TANGO6: variants seen among roughly 807,000 people sequenced by gnomAD.
TANGO6 encodes transport and golgi organization 6 homolog.
Under a neutral mutation model 114.2 loss-of-function variants are expected in TANGO6, and 90 were observed. The observed-to-expected ratio is 0.79, with a 90% CI of 0.66 to 0.94. The LOEUF is 0.94. Ranked by LOEUF, TANGO6 falls within the 40% of genes least tolerant of loss-of-function variation. The pLI, the probability that TANGO6 is intolerant of heterozygous loss-of-function variation, is 0.00. For synonymous variants in TANGO6, 477 were observed against 509.8 expected (o/e 0.94, Z 0.87); for missense variants, 1,274 against 1,315.3 (o/e 0.97, Z 0.49).
At chr16:68,880,446 A>G in intron 6 of TANGO6, 102 bp from the exon 7 acceptor site, 1 of 692,080 alleles carries the variant, frequency 1.4e-6, no homozygotes. Flanking sequence ...CTTAGGTGTT[A>G]CTTACTGAGC....
chr16:68,919,104 C>T lies in TANGO6; in HGVS notation c.2012C>T (p.Ala671Val), dbSNP rs750413834. Residue 671 changes from alanine to valine, a missense_variant, in exon 12 of 18, where the codon GCA (alanine) becomes GTA (valine). Around this residue, in one of 5 missense-constraint regions of TANGO6, gnomAD observed 908 missense variants for 910.2 expected, o/e 1.00. Coordinates refer to ENST00000261778, the MANE Select transcript of TANGO6 (RefSeq NM_024562.2). Reference protein sequence around the residue: ...NVTQVVDFVAATLQRACASLA... With the variant: ...NVTQVVDFVAVTLQRACASLA... ...GGGTAGGTGGTGGACTTTGTAGCAG[C>T]AACATTGCAGAGAGCCTGTGCAAGC... is the stretch of plus-strand genomic sequence containing the variant. 3.1e-6 allele frequency: 5 copies of T among 1,612,654 alleles called. No individual in the cohort carries two copies. The highest frequency in any genetic ancestry group is 4.2e-6 in the Non-Finnish European group (5 of 1,179,424).
At chr16:68,911,388 A>G (rs1053255686) in intron 11 of TANGO6, among the ~76,000 whole-genome samples, 44 of 151,964 alleles carry the variant, frequency 2.9e-4, no homozygotes, top group African/African-American at 1.0e-3. Flanking sequence ...AGTAGCAATA[A>G]GCATTCTTAG....
intron 15 of TANGO6, among the ~76,000 whole-genome samples, chr16:69,022,529 C>A (rs1959425314): frequency 6.6e-6 from 1 of 151,998 alleles, no homozygotes; most frequent in South Asian, 2.1e-4. Context: ...CATGGCAAAA[C>A]CCCATTTCCA....
chr16:69,012,958 G>T (rs987424709), intron 15 of TANGO6, among the ~76,000 whole-genome samples: 3 of 152,192 alleles, frequency 2.0e-5, no homozygotes, highest in Non-Finnish European at 4.4e-5. Flanking sequence ...TCCTGGATGG[G>T]ATAATAGTGG....
Position 68,982,433 on chromosome 16 carries a change from G to A in TANGO6, c.2842+8265G>A, listed in dbSNP as rs554374501. ...TCACTGCAACCTCCTGGGTTCAAGC[G>A]ATTCTCCTGCTTCAGTCTCCTGAGT... On this transcript the variant is annotated intron_variant, in intron 15 of 17. Transcript: ENST00000261778. Among the ~76,000 whole-genome samples the A allele has an allele frequency of 2.0e-5, 3 of 151,998 alleles. No individual in the cohort carries two copies. The East Asian group carries it at 5.8e-4, about 29-fold the overall frequency.
At chr16:69,061,055 T>G (rs1488466094) in intron 17 of TANGO6, among the ~76,000 whole-genome samples, 3 of 152,032 alleles carry the variant, frequency 2.0e-5, no homozygotes, top group African/African-American at 7.2e-5. Flanking sequence ...AAATCTAGTA[T>G]TCAGGTTTCC....
Position 69,065,042 on chromosome 16 carries a change from C to T in TANGO6, c.3109-18443C>T, listed in dbSNP as rs1459990793. ...GGACAACACTCCCAATCTCTTTTCT[C>T]GTAAGCAGTAGCCTGCTGCCTTTGC... On this transcript the variant is annotated intron_variant, in intron 17 of 17. Transcript: ENST00000261778. Among the ~76,000 whole-genome samples the T allele has an allele frequency of 6.6e-5, 10 of 152,242 alleles. No individual in the cohort carries two copies. The East Asian group carries it at 1.2e-3, about 18-fold the overall frequency.
At chr16:68,929,545 C>T (rs1048179187) in intron 13 of TANGO6, among the ~76,000 whole-genome samples, 9 of 152,246 alleles carry the variant, frequency 5.9e-5, no homozygotes, top group African/African-American at 2.2e-4. Context: ...ACTGTGCCAA[C>T]GAAGAACACA....
intron 17 of TANGO6, among the ~76,000 whole-genome samples, chr16:69,063,550 G>A (rs942244259): frequency 4.7e-5 from 7 of 149,540 alleles, no homozygotes; most frequent in Middle Eastern, 6.9e-3. Context: ...AGCCAGTGTG[G>A]TGGGGGGCAC....
At chr16:68,907,937 T>G (rs1206026813) in intron 10 of TANGO6, among the ~76,000 whole-genome samples, 1 of 152,204 alleles carries the variant, frequency 6.6e-6, no homozygotes, top group African/African-American at 2.4e-5. Context: ...CCCTTATCCT[T>G]TCTGACTGTT....
rs58310609 is a variant in TANGO6 at position 69,072,026 on chromosome 16, C to CGTGTGTGTGTGTGTGTGT, written c.3109-11434_3109-11417dup. On this transcript the variant is annotated intron_variant, in intron 17 of 17. Coordinates refer to ENST00000261778, the MANE Select transcript of TANGO6 (RefSeq NM_024562.2). ...AGGGAGGGTGAAGAGAGAGGGAGAC[C>CGTGTGTGTGTGTGTGTGT]GTGTGTGTGTGTGTGTGTGTGTGTG... is the stretch of plus-strand genomic sequence containing the variant. Among the ~76,000 whole-genome samples, 193 of 93,004 alleles carry CGTGTGTGTGTGTGTGTGT rather than the reference C, an allele frequency of 2.1e-3. 2 individuals carry two copies. Among genetic ancestry groups the CGTGTGTGTGTGTGTGTGT allele is most frequent in the Middle Eastern group, 4.8e-3 (1 of 210 alleles). The allele number at this position is 93,004 out of a possible 152,430, so 61.0% of individuals were successfully genotyped here. A position where few individuals can be genotyped will look rare whatever the true frequency, so the allele number is the denominator to read the frequency against.
chr16:68,879,157 A>T (rs781563044), intron 6 of TANGO6, among the ~76,000 whole-genome samples: 10 of 152,132 alleles, frequency 6.6e-5, no homozygotes, highest in East Asian at 5.8e-4. Context: ...ACTTTTTTTT[A>T]AATTTTTATT....
chr16:68,861,696 A>T (rs1181285558), intron 2 of TANGO6, among the ~76,000 whole-genome samples: 1 of 152,190 alleles, frequency 6.6e-6, no homozygotes, highest in African/African-American at 2.4e-5. Context: ...GAAGGAGTTG[A>T]CAGAGGGAAA....
chr16:68,849,641 CAG>C (rs1405355953), intron 1 of TANGO6, among the ~76,000 whole-genome samples: 1 of 150,912 alleles, frequency 6.6e-6, no homozygotes, highest in Non-Finnish European at 1.5e-5. Context: ...GCCTGGGTGA[CAG>C]AGTGAGACCC....
intron 4 of TANGO6, among the ~76,000 whole-genome samples, chr16:68,873,432 A>G (rs1417921676): frequency 1.3e-5 from 2 of 151,730 alleles, no homozygotes; most frequent in Non-Finnish European, 2.9e-5. Context: ...TCCTGCCTCA[A>G]CCTCCCAAGT....
chr16:68,927,459 C>T, intron 12 of TANGO6, 109 bp from the exon 13 acceptor site: 2 of 1,210,484 alleles, frequency 1.7e-6, no homozygotes, highest in Non-Finnish European at 2.3e-6. Flanking sequence ...ACACCATGAG[C>T]AAGATTTGAT....
At chr16:69,055,098 C>T (rs1273814308) in intron 17 of TANGO6, among the ~76,000 whole-genome samples, 1 of 151,960 alleles carries the variant, frequency 6.6e-6, no homozygotes, top group African/African-American at 2.4e-5. Context: ...GTTCAGTCCA[C>T]CAGCTTTCAG....
At chr16:68,866,637 A>G (rs1962182151) in intron 3 of TANGO6, among the ~76,000 whole-genome samples, 1 of 148,526 alleles carries the variant, frequency 6.7e-6, no homozygotes, top group Non-Finnish European at 1.5e-5. Context: ...CTCAAAAAAA[A>G]AAAAAAAAGT....
At chr16:68,865,706 G>A (rs770350104) in intron 3 of TANGO6, among the ~76,000 whole-genome samples, 1 of 149,564 alleles carries the variant, frequency 6.7e-6, no homozygotes, top group Non-Finnish European at 1.5e-5. Flanking sequence ...TCAGGAGATC[G>A]AGACCATCCT....
Sources: allele counts gnomAD v4.1 joint callset (sites outside exome capture counted in the v4.1 genomes callset), GRCh38; gene constraint gnomAD v4.1.1; regional missense constraint gnomAD v4.1.1; transcripts MANE v1.5; gene names NCBI Gene and HGNC (gene_info 2026-07-23, HGNC 2026-07-21).